RYR3: variants seen among roughly 807,000 people sequenced by gnomAD.
The protein encoded by RYR3 is brain ryanodine receptor-calcium release channel.
Under a neutral mutation model 584.3 loss-of-function variants are expected in RYR3, and 207 were observed. The ratio of observed to expected loss-of-function variants is 0.35; its 90% CI spans 0.32 to 0.40. RYR3 has a LOEUF of 0.40. Among genes scored for constraint, RYR3 ranks in the 10% least tolerant of loss-of-function variants. The pLI, the probability that RYR3 is intolerant of heterozygous loss-of-function variation, is 1.00. For missense variants in RYR3, 5,616 were observed against 6,089.2 expected, an observed-to-expected ratio of 0.92 and a Z score of 2.59; for synonymous variants, 2,416 against 2,248.5, an observed-to-expected ratio of 1.07 and a Z score of -2.11.
rs769839249 is a variant in RYR3 at position 33,623,875 on chromosome 15, G to A, written c.2426G>A (p.Cys809Tyr). 6.2e-7 allele frequency: 1 copy of A among 1,613,816 alleles called. No homozygotes were observed. Among genetic ancestry groups the A allele is most frequent in the Admixed American group, 1.7e-5 (1 of 60,020 alleles). Residue 809 changes from cysteine (C) to tyrosine (Y), a missense_variant, in exon 20 of 104, where the codon TGC becomes TAC. Cys to Tyr is a radical substitution (Grantham distance 194, BLOSUM62 -2). This residue lies in a region of RYR3 where 1,284 missense variants were observed against 1,344.6 expected (regional missense o/e 0.95). Coordinates refer to ENST00000634891, the MANE Select transcript of RYR3 (RefSeq NM_001036.6). The stretch of plus-strand genomic sequence containing the variant: ...CTGCCTCCCTCTGGCTATGCCCCTT[G>A]CTATGAAGCCTTACTTCCAAAAGAG... ...KFLPPSGYAP[C>Y]YEALLPKEKM...
chr15:33,334,950 G>T (rs904099833), intron 1 of RYR3, among the ~76,000 whole-genome samples: 1 of 152,102 alleles, frequency 6.6e-6, no homozygotes, highest in Non-Finnish European at 1.5e-5. Flanking sequence ...GATCATTAGA[G>T]AAAAATGCAA....
At chr15:33,562,729 T>C (rs2152483994) in intron 10 of RYR3, 108 bp from the exon 11 acceptor site, 1 of 721,988 alleles carries the variant, frequency 1.4e-6, no homozygotes, top group South Asian at 1.8e-5. Flanking sequence ...ATTATTTTGG[T>C]AACCAGTTGC....
At chr15:33,723,632 G>A (rs533027476) in intron 44 of RYR3, among the ~76,000 whole-genome samples, 8 of 152,220 alleles carry the variant, frequency 5.3e-5, no homozygotes, top group African/African-American at 1.4e-4. Flanking sequence ...CTACACATAC[G>A]CTTTCGCCAC....
chr15:33,337,834 A>G lies in RYR3; in HGVS notation c.51+26738A>G, dbSNP rs188321748. ...TGTTCATAGTACTGAACAACTGGGA[A>G]CAACACACATGCCCATCAGCAATAG... is the stretch of plus-strand genomic sequence containing the variant. On this transcript the variant is annotated intron_variant, in intron 1 of 103. Transcript: ENST00000634891. Among the ~76,000 whole-genome samples the G allele has an allele frequency of 5.3e-5, 8 of 152,200 alleles. No homozygotes were observed. In the East Asian group the frequency reaches 1.5e-3, roughly 29 times the overall value.
At chr15:33,860,162 G>A (rs996588824) in intron 100 of RYR3, among the ~76,000 whole-genome samples, 2 of 152,194 alleles carry the variant, frequency 1.3e-5, no homozygotes, top group African/African-American at 2.4e-5. Flanking sequence ...GATAAATTTA[G>A]CTTGAGTCAT....
intron 1 of RYR3, among the ~76,000 whole-genome samples, chr15:33,382,579 C>T (rs1275018891): frequency 6.6e-6 from 1 of 152,028 alleles, no homozygotes; most frequent in East Asian, 1.9e-4. Flanking sequence ...TGCTTAGCCT[C>T]CTAAAGTGCT....
At chr15:33,820,618 T>G in intron 77 of RYR3, 138 bp from the exon 78 acceptor site, 1 of 670,900 alleles carries the variant, frequency 1.5e-6, no homozygotes, top group Non-Finnish European at 2.5e-6. Flanking sequence ...GCCAAAATGT[T>G]CCTGGCTTTA....
intron 43 of RYR3, among the ~76,000 whole-genome samples, chr15:33,707,423 T>TTGGA (rs1001940698): frequency 1.8e-4 from 27 of 152,070 alleles, no homozygotes; most frequent in Non-Finnish European, 1.9e-4. Flanking sequence ...CCCTGGACTG[T>TTGGA]TGGATGGATG....
At chr15:33,606,910 A>G (rs184150264) in intron 18 of RYR3, among the ~76,000 whole-genome samples, 2 of 152,342 alleles carry the variant, frequency 1.3e-5, no homozygotes, top group Admixed American at 1.3e-4. Context: ...TGAATGGAGT[A>G]AAATTGTGTT....
intron 64 of RYR3, among the ~76,000 whole-genome samples, chr15:33,773,833 G>A (rs1336928273): frequency 6.6e-6 from 1 of 152,226 alleles, no homozygotes; most frequent in Non-Finnish European, 1.5e-5. Flanking sequence ...GATAGCTGGC[G>A]AATGTATGTG....
At chr15:33,788,521 A>AAAATGG (rs2074883963) in intron 67 of RYR3, 63 bp downstream of exon 67, 1 of 1,577,958 alleles carries the variant, frequency 6.3e-7, no homozygotes, top group African/African-American at 1.4e-5. Context: ...GCAACAGAAT[A>AAAATGG]AAATGGAAAG....
chr15:33,636,987 G>A (rs987459576), intron 27 of RYR3, among the ~76,000 whole-genome samples: 1 of 152,208 alleles, frequency 6.6e-6, no homozygotes, highest in Non-Finnish European at 1.5e-5. Context: ...TGAAGAGAAT[G>A]ATTGAAACAC....
At chr15:33,652,947 T>A in intron 32 of RYR3, 64 bp downstream of exon 32, 1 of 1,489,296 alleles carries the variant, frequency 6.7e-7, no homozygotes, top group Non-Finnish European at 9.1e-7. Flanking sequence ...ACTGTGTTCC[T>A]TGTTCTCCGT....
At chr15:33,584,905 G>T (rs915842337) in intron 15 of RYR3, among the ~76,000 whole-genome samples, 1 of 151,584 alleles carries the variant, frequency 6.6e-6, no homozygotes, top group African/African-American at 2.4e-5. Flanking sequence ...CGGGAGTGAA[G>T]AATGACAGGG....
intron 1 of RYR3, among the ~76,000 whole-genome samples, chr15:33,471,140 T>C (rs896327736): frequency 1.1e-4 from 16 of 152,192 alleles, no homozygotes; most frequent in African/African-American, 3.9e-4. Flanking sequence ...ATGGAAATAA[T>C]TGCTGCTATA....
intron 1 of RYR3, among the ~76,000 whole-genome samples, chr15:33,355,182 CA>C (rs56127912): frequency 0.078 from 9,832 of 126,052 alleles, 498 homozygotes; most frequent in East Asian, 0.18. Context: ...GAAACTCCCT[CA>C]AAAAAAAAAA....
intron 48 of RYR3, among the ~76,000 whole-genome samples, chr15:33,732,270 C>G (rs564224033): frequency 3.4e-4 from 51 of 151,724 alleles, no homozygotes; most frequent in Non-Finnish European, 2.4e-4. Flanking sequence ...CGCCTGTAGT[C>G]CCAGCTACTC....
chr15:33,702,037 C>T (rs1334904964), intron 42 of RYR3, among the ~76,000 whole-genome samples: 1 of 152,152 alleles, frequency 6.6e-6, no homozygotes, highest in Non-Finnish European at 1.5e-5. Flanking sequence ...ATGCTTCCCA[C>T]AAATGAACTC....
chr15:33,646,023 CT>C (rs747610031), intron 28 of RYR3, among the ~76,000 whole-genome samples: 6 of 152,214 alleles, frequency 3.9e-5, no homozygotes, highest in Non-Finnish European at 8.8e-5. Context: ...CACTTGCCCC[CT>C]GACCTAAAAG....
Sources: allele counts gnomAD v4.1 joint callset (sites outside exome capture counted in the v4.1 genomes callset), GRCh38; gene constraint gnomAD v4.1.1; regional missense constraint gnomAD v4.1.1; transcripts MANE v1.5; gene names NCBI Gene and HGNC (gene_info 2026-07-23, HGNC 2026-07-21).